The following CD44 variants were observed in gnomAD, a reference collection of about 807,000 sequenced individuals.
CD44 encodes the protein CD44 antigen.
In CD44, 49 loss-of-function variants were observed where a neutral mutation model predicts 88.8. The ratio of observed to expected loss-of-function variants is 0.55; its 90% CI spans 0.44 to 0.70. CD44 has a LOEUF of 0.70. Ranked by LOEUF, CD44 falls within the 30% of genes least tolerant of loss-of-function variation. The pLI is 0.00. For missense variants in CD44, 883 were observed against 913.8 expected (o/e 0.97, Z 0.43); for synonymous variants, 325 against 312.3 (o/e 1.04, Z -0.43).
intron 5 of CD44, among the ~76,000 whole-genome samples, chr11:35,191,999 G>A (rs1946317381): frequency 6.6e-6 from 1 of 152,178 alleles, no homozygotes; most frequent in African/African-American, 2.4e-5. Context: ...ACTGCTCTAG[G>A]ATGCTAGGAA....
rs564732077 is a variant in CD44 at position 35,171,716 on chromosome 11, C to T, written c.68-4859C>T. ...AAGATACTGTTATAAGCTATGATAG[C>T]GGCCATTTAGTCCATCCCTAAAGAA... On this transcript the variant is annotated intron_variant, in intron 1 of 17. Transcript: ENST00000428726. 6.7e-4 allele frequency among the ~76,000 whole-genome samples: 102 copies of T among 152,290 alleles called. 1 individual carries two copies. The South Asian group carries it at 0.011, about 16-fold the overall frequency.
chr11:35,162,141 T>C (rs1319364727), intron 1 of CD44, among the ~76,000 whole-genome samples: 5 of 152,190 alleles, frequency 3.3e-5, no homozygotes, highest in African/African-American at 7.2e-5. Context: ...ATCTGGCTTG[T>C]ATCAACCATA....
At chr11:35,168,025 A>G (rs914808574) in intron 1 of CD44, among the ~76,000 whole-genome samples, 7 of 152,230 alleles carry the variant, frequency 4.6e-5, no homozygotes, top group African/African-American at 1.7e-4. Flanking sequence ...AGACTTCAGA[A>G]TCTCCTCTCT....
intron 1 of CD44, among the ~76,000 whole-genome samples, chr11:35,161,572 G>C (rs1252358051): frequency 6.6e-6 from 1 of 152,234 alleles, no homozygotes; most frequent in Non-Finnish European, 1.5e-5. Context: ...GGGCAGCGCT[G>C]TAAGTCTCTG....
In CD44 at chr11:35,201,171, C is replaced by T. The variant is rs1270171742; in HGVS notation, c.1012C>T (p.Leu338Phe). The change falls in exon 8 of 18, where the codon CTT becomes TTT. Residue 338 changes from leucine to phenylalanine, a missense_variant. Physicochemically the swap from Leu to Phe is conservative, Grantham distance 22 (BLOSUM62 0). Transcript: ENST00000428726. ...NPSHSNPEVL[L>F]QTTTRMTDVD... is the part of the protein sequence containing the mutation. ...AAGCCATTCAAATCCGGAAGTGCTA[C>T]TTCAGACAACCACAAGGATGACTGG... The T allele has an allele frequency of 1.9e-6, 3 of 1,613,086 alleles. No homozygotes were observed. Among genetic ancestry groups the T allele is most frequent in the Non-Finnish European group, 1.7e-6 (2 of 1,179,044 alleles).
chr11:35,154,287 A>G (rs1001954074), intron 1 of CD44, among the ~76,000 whole-genome samples: 3 of 152,134 alleles, frequency 2.0e-5, no homozygotes, highest in Non-Finnish European at 4.4e-5. Flanking sequence ...GTGTCTTTCA[A>G]GGTCATACAG....
chr11:35,198,211 G>A lies in CD44; in HGVS notation c.887G>A (p.Gly296Asp). The A allele has an allele frequency of 6.2e-7, 1 of 1,613,962 alleles. No individual in the cohort carries two copies. Among genetic ancestry groups the A allele is most frequent in the Non-Finnish European group, 8.5e-7 (1 of 1,179,836 alleles). Reference protein sequence around the residue: ...RDRHLSFSGSGIDDDEDFISS... With the variant: ...RDRHLSFSGSDIDDDEDFISS... ...AGACACCTCAGTTTTTCTGGATCAG[G>A]CATTGATGATGATGAAGATTTTATC... is the stretch of plus-strand genomic sequence containing the variant. The change falls in exon 7 of 18, where the codon GGC (glycine) becomes GAC (aspartate). Residue 296 changes from glycine to aspartate, a missense_variant. Physicochemically the swap from Gly to Asp is moderately conservative, Grantham distance 94. This residue lies in a region of CD44 where 631 missense variants were observed against 590.9 expected (regional missense o/e 1.07). Coordinates refer to ENST00000428726, the MANE Select transcript of CD44 (RefSeq NM_000610.4).
intron 1 of CD44, among the ~76,000 whole-genome samples, chr11:35,163,653 T>C (rs1942914555): frequency 6.6e-6 from 1 of 152,188 alleles, no homozygotes. Context: ...CCAATTTCTC[T>C]ATGAAATTCT....
At chr11:35,190,110 C>G (rs769685734) in intron 5 of CD44, 45 bp downstream of exon 5, 2 of 1,508,038 alleles carry the variant, frequency 1.3e-6, no homozygotes, top group South Asian at 2.2e-5. Flanking sequence ...AATTCCCTGG[C>G]AAAATGTCTC....
chr11:35,208,233 T>C, intron 12 of CD44, 27 bp downstream of exon 12: 1 of 1,373,550 alleles, frequency 7.3e-7, no homozygotes, highest in Non-Finnish European at 1.0e-6. Flanking sequence ...TCAGCCACTT[T>C]ATTGACTTGT....
At chr11:35,207,718 G>A (rs528930495) in intron 11 of CD44, among the ~76,000 whole-genome samples, 147 of 152,276 alleles carry the variant, frequency 9.7e-4, no homozygotes, top group Non-Finnish European at 1.7e-3. Context: ...TGGTAAGGGG[G>A]AGGGGATAAA....
chr11:35,194,447 C>G (rs546838031), intron 5 of CD44, among the ~76,000 whole-genome samples: 3 of 152,194 alleles, frequency 2.0e-5, no homozygotes, highest in Non-Finnish European at 4.4e-5. Context: ...ACTCAAACAG[C>G]CACGCAACAG....
chr11:35,184,983 C>A (rs1945513210), intron 3 of CD44, among the ~76,000 whole-genome samples: 1 of 152,140 alleles, frequency 6.6e-6, no homozygotes, highest in African/African-American at 2.4e-5. Flanking sequence ...CCCCATCACA[C>A]ATAAATGTTC....
At chr11:35,156,544 A>G (rs16926993) in intron 1 of CD44, among the ~76,000 whole-genome samples, 2,580 of 152,302 alleles carry the variant, frequency 0.017, 37 homozygotes, top group East Asian at 0.085. Flanking sequence ...TTTCCTGATC[A>G]TGAGCCTTGT....
At position 35,195,571 on chromosome 11, in the gene CD44, G is replaced by GA. The variant is rs59613730; in HGVS notation, c.668-1166dup. ...TCATTTTTGGGCTTTCTTGATAGCT[G>GA]AAAAAAAAATCTAACTCACCTTACT... On this transcript the variant is annotated intron_variant, in intron 5 of 17. Transcript: ENST00000428726. 5.4e-3 allele frequency among the ~76,000 whole-genome samples: 810 copies of GA among 150,990 alleles called. 8 individuals carry two copies. The highest frequency in any genetic ancestry group is 0.017 in the African/African-American group (688 of 41,174).
intron 17 of CD44, among the ~76,000 whole-genome samples, chr11:35,223,634 C>T (rs375701920): frequency 6.2e-4 from 94 of 152,244 alleles, no homozygotes; most frequent in South Asian, 5.4e-3. Flanking sequence ...ACACAGGGTC[C>T]GGCACAGCGA....
chr11:35,188,518 A>G (rs1272136684), intron 4 of CD44, among the ~76,000 whole-genome samples: 5 of 152,226 alleles, frequency 3.3e-5, no homozygotes, highest in Non-Finnish European at 4.4e-5. Flanking sequence ...TGATGCCCAC[A>G]GTTCTCTTTT....
At chr11:35,176,128 C>T (rs1460851301) in intron 1 of CD44, among the ~76,000 whole-genome samples, 1 of 151,474 alleles carries the variant, frequency 6.6e-6, no homozygotes, top group African/African-American at 2.4e-5. Flanking sequence ...CTGTAAGCTC[C>T]GCCTCCCAGG....
At chr11:35,220,379 C>G (rs867610227) in intron 16 of CD44, among the ~76,000 whole-genome samples, 2 of 152,294 alleles carry the variant, frequency 1.3e-5, no homozygotes, top group African/African-American at 4.8e-5. Context: ...CAGTCTCCCC[C>G]ACTTCTGACT....
Sources: allele counts gnomAD v4.1 joint callset (sites outside exome capture counted in the v4.1 genomes callset), GRCh38; gene constraint gnomAD v4.1.1; regional missense constraint gnomAD v4.1.1; transcripts MANE v1.5; gene names NCBI Gene and HGNC (gene_info 2026-07-23, HGNC 2026-07-21).